PRDM1: variants seen among roughly 807,000 people sequenced by gnomAD.
The protein encoded by PRDM1 is PR/SET domain 1.
In PRDM1, 13 loss-of-function variants were observed where a neutral mutation model predicts 62.8. The ratio of observed to expected loss-of-function variants is 0.21; its 90% CI spans 0.13 to 0.33. PRDM1 has a LOEUF of 0.33. Among genes scored for constraint, PRDM1 ranks in the 10% least tolerant of loss-of-function variants. The pLI is 1.00. For synonymous variants in PRDM1, 396 were observed against 417.6 expected, an observed-to-expected ratio of 0.95 and a Z score of 0.63; for missense variants, 895 against 1,058.8, an observed-to-expected ratio of 0.85 and a Z score of 2.15.
At chr6:106,011,187 T>C (rs533332986) in intron 1 of PRDM1, among the ~76,000 whole-genome samples, 6 of 152,334 alleles carry the variant, frequency 3.9e-5, no homozygotes, top group Admixed American at 2.0e-4. Context: ...TACATTGCTA[T>C]AGATATTACC....
chr6:105,999,356 G>A (rs1772400222), intron 1 of PRDM1, among the ~76,000 whole-genome samples: 3 of 150,978 alleles, frequency 2.0e-5, no homozygotes, highest in East Asian at 4.0e-4. Flanking sequence ...AGGAGTTTGA[G>A]ACCAGCCTGG....
intron 1 of PRDM1, among the ~76,000 whole-genome samples, chr6:106,024,313 T>C (rs1043322246): frequency 6.6e-6 from 1 of 152,208 alleles, no homozygotes; most frequent in Non-Finnish European, 1.5e-5. Flanking sequence ...TCTTCAACAT[T>C]TCGAGAAATG....
intron 1 of PRDM1, among the ~76,000 whole-genome samples, chr6:106,021,050 T>C: frequency 6.6e-6 from 1 of 152,182 alleles, no homozygotes; most frequent in East Asian, 1.9e-4. Flanking sequence ...CAGTAAAAAG[T>C]AGGCCATTCA....
In PRDM1 at chr6:106,088,236, T is replaced by G. The variant is rs772119809; in HGVS notation, c.78T>G (p.Phe26Leu). 2.5e-6 allele frequency: 4 copies of G among 1,613,754 alleles called. No individual in the cohort carries two copies. The Admixed American group carries it at 5.0e-5, about 20-fold the overall frequency. The change falls in exon 2 of 7, where the codon TTT becomes TTG. Residue 26 changes from phenylalanine (F) to leucine (L), a missense_variant. Phe to Leu is a conservative substitution (Grantham distance 22). Around this residue, in one of 4 missense-constraint regions of PRDM1, gnomAD observed 213 missense variants for 283.9 expected, o/e 0.75. Transcript: ENST00000369096. ...AGTGTAACTCCAGCACTGTGAGGTT[T>G]CAGGGATTGGCAGAGGGGACCAAGG... Reference protein sequence around the residue: ...APKCNSSTVRFQGLAEGTKGT... With the variant: ...APKCNSSTVRLQGLAEGTKGT...
At chr6:106,055,145 G>A (rs1486790038) in intron 1 of PRDM1, among the ~76,000 whole-genome samples, 1 of 152,202 alleles carries the variant, frequency 6.6e-6, no homozygotes, top group East Asian at 1.9e-4. Flanking sequence ...CACGAAGCAT[G>A]ACTAGTTAAA....
chr6:106,100,450 A>G lies in PRDM1; in HGVS notation c.664+898A>G, dbSNP rs528854860. 6 of 152,370 alleles carry G rather than the reference A, an allele frequency of 3.9e-5. No individual in the cohort carries two copies. In the East Asian group the frequency reaches 1.2e-3, roughly 29 times the overall value. 9.4% of individuals were successfully genotyped at this position (152,370 alleles called of 1,614,324 possible). A position where few individuals can be genotyped will look rare whatever the true frequency, so the allele number is the denominator to read the frequency against. On this transcript the variant is annotated intron_variant, in intron 4 of 6. Transcript: ENST00000369096. ...AAACTTAAGAAAACATTTGAAGAAA[A>G]GGACAAAGAATTTCCACTTACCCTT...
intron 1 of PRDM1, among the ~76,000 whole-genome samples, chr6:106,007,503 A>G (rs1011417982): frequency 1.3e-5 from 2 of 148,462 alleles, no homozygotes; most frequent in Non-Finnish European, 3.0e-5. Context: ...CAGACCATTC[A>G]TGTGAAATTA....
rs1245730637 is a variant in PRDM1, at chr6:106,014,647, C to T, written c.-67+21008C>T. Reference sequence around the variant, plus strand: ...AACGATGATAGATAATAGATTTAATCTATAATATTAAATTAAATATACTAT... The same window carrying T: ...AACGATGATAGATAATAGATTTAATTTATAATATTAAATTAAATATACTAT... On this transcript the variant is annotated intron_variant, in intron 1 of 6. Transcript: ENST00000652320. Among the ~76,000 whole-genome samples, 4 of 149,994 alleles carry T rather than the reference C, an allele frequency of 2.7e-5. No individual in the cohort carries two copies. The East Asian group carries it at 7.7e-4, about 29-fold the overall frequency.
At chr6:106,093,576 T>C (rs1774017056) in intron 2 of PRDM1, among the ~76,000 whole-genome samples, 1 of 152,228 alleles carries the variant, frequency 6.6e-6, no homozygotes, top group Non-Finnish European at 1.5e-5. Flanking sequence ...GATTTGCATG[T>C]CATAGAATTC....
chr6:106,051,238 T>C (rs571837604), intron 1 of PRDM1, among the ~76,000 whole-genome samples: 4 of 152,362 alleles, frequency 2.6e-5, no homozygotes, highest in Admixed American at 2.0e-4. Flanking sequence ...ATATCTGACA[T>C]GTAATAAGGT....
Position 105,994,359 on chromosome 6 carries a change from A to G in PRDM1, c.-67+720A>G, listed in dbSNP as rs1205552717. On this transcript the variant is annotated intron_variant, in intron 1 of 6. Coordinates refer to the PRDM1 transcript ENST00000652320. This position sits in a 1 kb window ranked among gnomAD's most constrained non-coding sequence, Gnocchi z 4.1. Reference sequence around the variant, plus strand: ...GCTCTGGATTGGACTGCATTCGCCTAAATTGCGTAATTAAAAAAAAAAAAT... The same window carrying G: ...GCTCTGGATTGGACTGCATTCGCCTGAATTGCGTAATTAAAAAAAAAAAAT... Among the ~76,000 whole-genome samples the G allele has an allele frequency of 2.3e-5, 2 of 86,244 alleles. No individual in the cohort carries two copies. Among genetic ancestry groups the G allele is most frequent in the African/African-American group, 8.0e-5 (2 of 24,976 alleles). The allele number at this position is 86,244 out of a possible 152,430, so 56.6% of individuals were successfully genotyped here.
intron 3 of PRDM1, chr6:106,098,990 G>A: frequency 1.3e-6 from 2 of 1,579,704 alleles, no homozygotes; most frequent in South Asian, 2.3e-5. Flanking sequence ...GTAGTACTCT[G>A]TGGTGGGTTA....
intron 2 of PRDM1, among the ~76,000 whole-genome samples, chr6:106,092,977 C>T (rs970815741): frequency 5.9e-5 from 9 of 152,146 alleles, no homozygotes; most frequent in Middle Eastern, 3.2e-3. Context: ...TATTAGGGCG[C>T]TCTGTCCCTT....
At chr6:106,016,083 G>C (rs1324584286) in intron 1 of PRDM1, among the ~76,000 whole-genome samples, 2 of 152,072 alleles carry the variant, frequency 1.3e-5, no homozygotes, top group Non-Finnish European at 2.9e-5. Flanking sequence ...TTGGCCTTTT[G>C]TATGTGGCTT....
intron 3 of PRDM1, chr6:106,098,700 C>G: frequency 7.3e-7 from 1 of 1,377,986 alleles, no homozygotes; most frequent in Non-Finnish European, 9.6e-7. Flanking sequence ...ACCTTTGCCC[C>G]ACCCAGTGTT....
At chr6:106,020,616 A>C (rs896625016) in intron 1 of PRDM1, among the ~76,000 whole-genome samples, 8 of 152,188 alleles carry the variant, frequency 5.3e-5, no homozygotes, top group Non-Finnish European at 8.8e-5. Flanking sequence ...GTCCACGTCT[A>C]CAAAACCTCT....
chr6:106,040,687 A>G (rs1772981158), intron 1 of PRDM1, among the ~76,000 whole-genome samples: 3 of 152,224 alleles, frequency 2.0e-5, no homozygotes, highest in Admixed American at 2.0e-4. Context: ...AAGAATTATT[A>G]TTAATTTGCA....
intron 1 of PRDM1, among the ~76,000 whole-genome samples, chr6:106,011,921 A>C (rs1483301476): frequency 2.6e-5 from 4 of 150,982 alleles, no homozygotes; most frequent in Non-Finnish European, 5.9e-5. Flanking sequence ...CACACATACC[A>C]CACACACCAC....
upstream of PRDM1, among the ~76,000 whole-genome samples, chr6:106,045,110 G>A (rs1320396763): frequency 1.3e-5 from 2 of 152,170 alleles, no homozygotes; most frequent in Non-Finnish European, 2.9e-5. Flanking sequence ...GTAAGCTACT[G>A]TGGCTAGAAA....
Sources: gnomAD v4.1 joint callset for allele counts (sites outside exome capture counted in the v4.1 genomes callset) on GRCh38, gnomAD v4.1.1 for gene constraint, gnomAD v4.1.1 regional missense constraint, Gnocchi (gnomAD v3.1) non-coding constraint, MANE v1.5 for transcripts, NCBI Gene and HGNC (gene_info 2026-07-23, HGNC 2026-07-21) for gene names.